The following SKA1 variants were observed in gnomAD, a reference collection of about 807,000 sequenced individuals.
SKA1 encodes SKA complex subunit 1.
In SKA1, 20 loss-of-function variants were observed where a neutral mutation model predicts 31.8. That is an observed-to-expected ratio of 0.63 (90% CI 0.44 to 0.91). SKA1 has a LOEUF of 0.91. Ranked by LOEUF, SKA1 falls within the 40% of genes least tolerant of loss-of-function variation. The pLI, the probability that SKA1 is intolerant of heterozygous loss-of-function variation, is 0.00. For missense variants in SKA1, 253 were observed against 298.2 expected (o/e 0.85, Z 1.12); for synonymous variants, 88 against 100.5 (o/e 0.88, Z 0.74).
chr18:50,388,768 T>C (rs886423202), intron 5 of SKA1, among the ~76,000 whole-genome samples: 12 of 152,106 alleles, frequency 7.9e-5, no homozygotes, highest in Admixed American at 7.9e-4. Context: ...AATAATTACT[T>C]TTTCCTTCCT....
At position 50,392,179 on chromosome 18, in the gene SKA1, A is replaced by G; in HGVS notation, c.700A>G (p.Ile234Val). Reference protein sequence around the residue: ...ADKKFHVLLNILRHCRRLSEV... With the variant: ...ADKKFHVLLNVLRHCRRLSEV... ...CAAGAAGTTTCACGTGTTACTGAAT[A>G]TTTTACGACACTGCCGGAGGCTATC... The change falls in exon 7 of 7, where the codon ATT becomes GTT. Residue 234 changes from isoleucine (I) to valine (V), a missense_variant. Ile to Val is a conservative substitution (Grantham distance 29). Transcript: ENST00000285116. 1 of 1,610,802 alleles carries G rather than the reference A, an allele frequency of 6.2e-7. No homozygotes were observed.
Position 50,392,450 on chromosome 18 carries a change from CCTCAA to C in SKA1, c.*205_*209del, listed in dbSNP as rs144560688. 2.6e-3 allele frequency: 828 copies of C among 315,252 alleles called. 5 individuals are homozygous for C. Among genetic ancestry groups the C allele is most frequent in the African/African-American group, 0.017 (774 of 46,278 alleles). 19.5% of individuals were successfully genotyped at this position (315,252 alleles called of 1,614,324 possible). ...GTGGCGCAAACATGGCTCACTGCAG[CCTCAA>C]CCTCCCAGGCTCAAGTGATCCTCCC... On this transcript the variant is annotated 3_prime_UTR_variant, in exon 7 of 7. Coordinates refer to ENST00000285116, the MANE Select transcript of SKA1 (RefSeq NM_145060.4).
chr18:50,388,598 G>C (rs925063034), intron 5 of SKA1, among the ~76,000 whole-genome samples: 6 of 152,040 alleles, frequency 3.9e-5, no homozygotes, highest in African/African-American at 1.5e-4. Flanking sequence ...CTGCATCTCT[G>C]GCCTGTGACC....
chr18:50,385,191 A>G (rs768019646), intron 4 of SKA1, 25 bp from the exon 5 acceptor site: 7 of 1,562,202 alleles, frequency 4.5e-6, no homozygotes, highest in Non-Finnish European at 6.1e-6. Context: ...AATTGCCTGT[A>G]TGTATGTACA....
At chr18:50,385,107 T>C in intron 4 of SKA1, 109 bp from the exon 5 acceptor site, 1 of 876,686 alleles carries the variant, frequency 1.1e-6, no homozygotes, top group South Asian at 2.2e-5. Context: ...GGCAATAAGA[T>C]TATAACAGGA....
At chr18:50,382,528 A>C (rs1255534181) in intron 4 of SKA1, among the ~76,000 whole-genome samples, 1 of 151,728 alleles carries the variant, frequency 6.6e-6, no homozygotes, top group Non-Finnish European at 1.5e-5. Flanking sequence ...CATTTTAGGC[A>C]GGTTAATTTT....
At chr18:50,383,499 A>C (rs74638468) in intron 4 of SKA1, among the ~76,000 whole-genome samples, 16 of 151,996 alleles carry the variant, frequency 1.1e-4, no homozygotes, top group African/African-American at 3.6e-4. Flanking sequence ...ATGGCCTGCT[A>C]TTTTCTCCTC....
At chr18:50,383,889 G>A (rs1181470485) in intron 4 of SKA1, among the ~76,000 whole-genome samples, 1 of 152,218 alleles carries the variant, frequency 6.6e-6, no homozygotes, top group Non-Finnish European at 1.5e-5. Flanking sequence ...TTCACAGAAG[G>A]ATTATCATGC....
chr18:50,391,384 T>C (rs2041355687), intron 6 of SKA1, 91 bp downstream of exon 6: 1 of 1,216,494 alleles, frequency 8.2e-7, no homozygotes, highest in Non-Finnish European at 1.1e-6. Context: ...AAATTCTAAA[T>C]CTAGAGTGTT....
intron 2 of SKA1, among the ~76,000 whole-genome samples, chr18:50,379,073 G>A (rs180876423): frequency 6.6e-6 from 1 of 152,282 alleles, no homozygotes; most frequent in East Asian, 1.9e-4. Context: ...TACACATATT[G>A]CCAAAGTCTG....
At chr18:50,385,549 G>C (rs1424626558) in intron 5 of SKA1, among the ~76,000 whole-genome samples, 196 bp downstream of exon 5, 1 of 152,216 alleles carries the variant, frequency 6.6e-6, no homozygotes, top group East Asian at 1.9e-4. Context: ...GAGAGATCTA[G>C]AGATGGATCA....
intron 1 of SKA1, 72 bp from the exon 2 acceptor site, chr18:50,375,748 T>C (rs1214052423): frequency 4.3e-6 from 4 of 940,820 alleles, no homozygotes; most frequent in Non-Finnish European, 6.6e-6. Flanking sequence ...TTGACCATTC[T>C]TGGATTTCGA....
intron 5 of SKA1, among the ~76,000 whole-genome samples, chr18:50,386,448 A>G (rs1042919802): frequency 1.3e-5 from 2 of 152,180 alleles, no homozygotes; most frequent in African/African-American, 2.4e-5. Flanking sequence ...TTACAGAAAA[A>G]TTGAGCAGAT....
chr18:50,375,806 GT>G lies in SKA1; in HGVS notation c.-11-7del, dbSNP rs752117335. The G allele has an allele frequency of 2.5e-5, 37 of 1,507,070 alleles. No homozygotes were observed. The South Asian group carries it at 3.8e-4, about 16-fold the overall frequency. 93.4% of individuals were successfully genotyped at this position (1,507,070 alleles called of 1,614,324 possible). ...CTTTTCTTGTTACGAATATGTTTAT[GT>G]TTTTTTCTTCAGAGGCTTAAAGGAT... On this transcript the variant is annotated splice_polypyrimidine_tract_variant and intron_variant, in intron 1 of 6. Transcript: ENST00000285116.
At chr18:50,390,627 G>C (rs796298416) in intron 5 of SKA1, among the ~76,000 whole-genome samples, 1 of 152,286 alleles carries the variant, frequency 6.6e-6, no homozygotes, top group African/African-American at 2.4e-5. Context: ...GTTCTCCTTT[G>C]TCTTAATTTT....
At chr18:50,383,044 A>C (rs922004414) in intron 4 of SKA1, among the ~76,000 whole-genome samples, 1 of 152,238 alleles carries the variant, frequency 6.6e-6, no homozygotes, top group Admixed American at 6.5e-5. Flanking sequence ...AAAATAAATA[A>C]ATAAATAAAA....
intron 2 of SKA1, among the ~76,000 whole-genome samples, chr18:50,377,155 A>C (rs2041225139): frequency 6.6e-6 from 1 of 152,186 alleles, no homozygotes; most frequent in South Asian, 2.1e-4. Flanking sequence ...TACTATACAT[A>C]ATTGTATGTG....
chr18:50,393,932 G>C lies in SKA1; in HGVS notation c.*1685G>C, dbSNP rs930196836. 2 of 152,146 alleles carry C rather than the reference G, an allele frequency of 1.3e-5. No individual in the cohort carries two copies. The highest frequency in any genetic ancestry group is 2.9e-5 in the Non-Finnish European group (2 of 68,030). 9.4% of individuals were successfully genotyped at this position (152,146 alleles called of 1,614,324 possible). A position where few individuals can be genotyped will look rare whatever the true frequency, so the allele number is the denominator to read the frequency against. On this transcript the variant is annotated 3_prime_UTR_variant, in exon 7 of 7. Transcript: ENST00000285116. Reference sequence around the variant, plus strand: ...GAGAGGGGAGAGGGGCTGGAGATTTGTGTCAATAATCCATCAGGCCTATGT... The same window carrying C: ...GAGAGGGGAGAGGGGCTGGAGATTTCTGTCAATAATCCATCAGGCCTATGT...
Position 50,393,536 on chromosome 18 carries a change from A to G in SKA1, c.*1289A>G, listed in dbSNP as rs1280277989. 6.6e-6 allele frequency: 1 copy of G among 152,200 alleles called. No individual in the cohort carries two copies. Among genetic ancestry groups the G allele is most frequent in the Admixed American group, 6.5e-5 (1 of 15,286 alleles). 9.4% of individuals were successfully genotyped at this position (152,200 alleles called of 1,614,324 possible). A position where few individuals can be genotyped will look rare whatever the true frequency, so the allele number is the denominator to read the frequency against. On this transcript the variant is annotated 3_prime_UTR_variant, in exon 7 of 7. Coordinates refer to ENST00000285116, the MANE Select transcript of SKA1 (RefSeq NM_145060.4). ...GTCCTTAGGGAGCAGCTTACCTGAAATGCATTTAGTGTACACCAGTCTGTA... is the reference window on the plus strand; with the variant it reads ...GTCCTTAGGGAGCAGCTTACCTGAAGTGCATTTAGTGTACACCAGTCTGTA...
Sources: allele counts gnomAD v4.1 joint callset (sites outside exome capture counted in the v4.1 genomes callset), GRCh38; gene constraint gnomAD v4.1.1; transcripts MANE v1.5; gene names NCBI Gene and HGNC (gene_info 2026-07-23, HGNC 2026-07-21).